The following ETNPPL variants were observed in gnomAD, a reference collection of about 807,000 sequenced individuals.
ETNPPL encodes ethanolamine-phosphate phospho-lyase.
A neutral mutation model predicts 55.5 loss-of-function variants in ETNPPL; 30 were observed. The observed-to-expected ratio is 0.54, with a 90% CI of 0.40 to 0.73. The LOEUF (loss-of-function observed/expected upper bound fraction) is 0.73, where lower values mean the gene tolerates loss of function less well. Among genes scored for constraint, ETNPPL ranks in the 30% least tolerant of loss-of-function variants. ETNPPL has a pLI of 0.00. For missense variants in ETNPPL, 528 were observed against 607.9 expected, an observed-to-expected ratio of 0.87 and a Z score of 1.38; for synonymous variants, 202 against 207.2, an observed-to-expected ratio of 0.98 and a Z score of 0.21.
chr4:108,752,974 T>C lies in ETNPPL; in HGVS notation c.539A>G (p.Glu180Gly), dbSNP rs375012393. 4.3e-6 allele frequency: 7 copies of C among 1,612,006 alleles called. No individual in the cohort carries two copies. The Admixed American group carries it at 5.0e-5, about 12-fold the overall frequency. Residue 180 changes from glutamate (E) to glycine (G), a missense_variant, in exon 6 of 13, where the codon GAA becomes GGA. Coordinates refer to ENST00000296486, the MANE Select transcript of ETNPPL (RefSeq NM_031279.4). ...TPDTYRGKYR[E>G]DHADSASAYA... Reference sequence around the variant, plus strand: ...AGCACTGGCTGAGTCTGCATGGTCTTCTCTATATTTTCCTCTGTAAGTATC... The same window carrying C: ...AGCACTGGCTGAGTCTGCATGGTCTCCTCTATATTTTCCTCTGTAAGTATC...
chr4:108,759,895 G>C lies in ETNPPL; in HGVS notation c.189C>G (p.His63Gln). The stretch of plus-strand genomic sequence containing the variant: ...TCAGGGCAGCTTTGACCACTCCTGG[G>C]TGACAGTGTCCCACTAAAATTTATG... ...INNVAHVGHC[H>Q]PGVVKAALKQ... The change falls in exon 3 of 13, where the codon CAC (histidine) becomes CAG (glutamine). Residue 63 changes from histidine (H) to glutamine (Q), a missense_variant. Physicochemically the swap from His to Gln is conservative, Grantham distance 24. Coordinates refer to ENST00000296486, the MANE Select transcript of ETNPPL (RefSeq NM_031279.4). The C allele has an allele frequency of 1.2e-6, 2 of 1,613,864 alleles. No homozygotes were observed. The highest frequency in any genetic ancestry group is 1.7e-6 in the Non-Finnish European group (2 of 1,179,952).
chr4:108,761,346 T>C, intron 1 of ETNPPL, among the ~76,000 whole-genome samples: 1 of 152,244 alleles, frequency 6.6e-6, no homozygotes, highest in Non-Finnish European at 1.5e-5. Context: ...AAACAGTAGG[T>C]AACCTCAAAT....
intron 7 of ETNPPL, 111 bp downstream of exon 7, chr4:108,750,825 C>A: frequency 1.2e-6 from 1 of 801,914 alleles, no homozygotes; most frequent in Non-Finnish European, 2.1e-6. Context: ...TCAGGTGTGG[C>A]TATTTACCAG....
chr4:108,746,348 G>C lies in ETNPPL; in HGVS notation c.1303+51C>G, dbSNP rs199940640. The stretch of plus-strand genomic sequence containing the variant: ...TTATGACTAGACCAGGGTTTGAGGG[G>C]TGGGTTTGGGAGAGGGAACAAGAAG... On this transcript the variant is annotated intron_variant, in intron 11 of 12. Transcript: ENST00000296486. 2.7e-5 allele frequency: 42 copies of C among 1,558,098 alleles called. 1 individual carries two copies. The highest frequency in any genetic ancestry group is 5.7e-5 in the Admixed American group (3 of 52,458).
At chr4:108,758,138 C>T (rs537519100) in intron 3 of ETNPPL, among the ~76,000 whole-genome samples, 2 of 151,376 alleles carry the variant, frequency 1.3e-5, no homozygotes, top group African/African-American at 4.8e-5. Flanking sequence ...ACTACAGGCA[C>T]ACACCACCAC....
At chr4:108,747,444 GT>G (rs1475714612) in intron 9 of ETNPPL, among the ~76,000 whole-genome samples, 2 of 126,524 alleles carry the variant, frequency 1.6e-5, no homozygotes, top group African/African-American at 2.9e-5. Context: ...ATACCCAAAT[GT>G]TTTTTTATTG....
chr4:108,743,981 G>C (rs62315042), intron 11 of ETNPPL, 125 bp from the exon 12 acceptor site: 1 of 667,630 alleles, frequency 1.5e-6, no homozygotes, highest in East Asian at 2.7e-5. Flanking sequence ...TAAAAGAATG[G>C]GCTGGGCGCT....
Position 108,748,069 on chromosome 4 carries a change from C to A in ETNPPL, c.1018G>T (p.Gly340Trp), listed in dbSNP as rs1427810402. 3 of 1,611,674 alleles carry A rather than the reference C, an allele frequency of 1.9e-6. No homozygotes were observed. In the South Asian group the frequency reaches 3.3e-5, roughly 18 times the overall value. Residue 340 changes from glycine to tryptophan, a missense_variant, in exon 9 of 13, where the codon GGG becomes TGG. Physicochemically the swap from Gly to Trp is radical, Grantham distance 184. Transcript: ENST00000296486. The stretch of plus-strand genomic sequence containing the variant: ...TTCAGTAACTCAGTGAGATAATTCC[C>A]TACTCTCTTGGCATTTCCTTGAAGG... ...EDLQGNAKRV[G>W]NYLTELLKKQ...
chr4:108,754,901 C>G lies in ETNPPL; in HGVS notation c.411-191G>C, dbSNP rs193078514. 4.2e-4 allele frequency: 210 copies of G among 497,972 alleles called. No homozygotes were observed. In the East Asian group the frequency reaches 6.6e-3, roughly 16 times the overall value. The allele number at this position is 497,972 out of a possible 1,614,324, so 30.8% of individuals were successfully genotyped here. On this transcript the variant is annotated intron_variant, in intron 4 of 12. Coordinates refer to ENST00000296486, the MANE Select transcript of ETNPPL (RefSeq NM_031279.4). ...CTGGCCCTTAATGTGTACAATTCTTCTTTTACATGTAATAAAACTCATAGA... is the reference window on the plus strand; with the variant it reads ...CTGGCCCTTAATGTGTACAATTCTTGTTTTACATGTAATAAAACTCATAGA...
chr4:108,750,527 T>C (rs1332394770), intron 7 of ETNPPL, among the ~76,000 whole-genome samples: 1 of 147,602 alleles, frequency 6.8e-6, no homozygotes, highest in Non-Finnish European at 1.5e-5. Flanking sequence ...TGTGTGTGTA[T>C]GATATGTGAT....
Position 108,749,269 on chromosome 4 carries a change from A to C in ETNPPL, c.896T>G (p.Phe299Cys), listed in dbSNP as rs1269076895. 1.2e-6 allele frequency: 2 copies of C among 1,613,932 alleles called. No homozygotes were observed. Among genetic ancestry groups the C allele is most frequent in the Non-Finnish European group, 1.7e-6 (2 of 1,179,922 alleles). The change falls in exon 8 of 13, where the codon TTC becomes TGC. Residue 299 changes from phenylalanine (F) to cysteine (C), a missense_variant. Phe to Cys is a radical substitution (Grantham distance 205, BLOSUM62 -2). Coordinates refer to ENST00000296486, the MANE Select transcript of ETNPPL (RefSeq NM_031279.4). Reference sequence around the variant, plus strand: ...AAAATATTCCATCCCAGAGCTGCTGAAGGCTTCTGCAATTTCTTTGGTTGT... The same window carrying C: ...AAAATATTCCATCCCAGAGCTGCTGCAGGCTTCTGCAATTTCTTTGGTTGT... The part of the protein sequence containing the change: ...VVTTKEIAEA[F>C]SSSGMEYFNT...
chr4:108,753,559 T>C (rs1290085738), intron 5 of ETNPPL, among the ~76,000 whole-genome samples: 1 of 151,984 alleles, frequency 6.6e-6, no homozygotes. Flanking sequence ...CTGGCCTACA[T>C]GATGAAACCC....
chr4:108,746,127 G>T (rs1728480902), intron 11 of ETNPPL, among the ~76,000 whole-genome samples: 1 of 152,060 alleles, frequency 6.6e-6, no homozygotes, highest in Admixed American at 6.6e-5. Context: ...CTAGTCTAAA[G>T]TAAAAATAAA....
chr4:108,742,458 G>T lies in ETNPPL; in HGVS notation c.*26C>A, dbSNP rs17527308. The T allele has an allele frequency of 1.9e-6, 3 of 1,612,152 alleles. No homozygotes were observed. Among genetic ancestry groups the T allele is most frequent in the Non-Finnish European group, 8.5e-7 (1 of 1,178,566 alleles). On this transcript the variant is annotated 3_prime_UTR_variant, in exon 13 of 13. Transcript: ENST00000296486. ...CTCATTCTCTGTAACTCTGGACATC[G>T]CATCTTGCTTTAAAATGCAAATCAG...
At chr4:108,743,022 A>T (rs1728293574) in intron 12 of ETNPPL, among the ~76,000 whole-genome samples, 1 of 152,234 alleles carries the variant, frequency 6.6e-6, no homozygotes, top group Admixed American at 6.5e-5. Flanking sequence ...TTGTTAGACG[A>T]AACAGAAGCC....
At chr4:108,754,190 C>T (rs1025188282) in intron 5 of ETNPPL, among the ~76,000 whole-genome samples, 1 of 151,968 alleles carries the variant, frequency 6.6e-6, no homozygotes, top group Non-Finnish European at 1.5e-5. Flanking sequence ...GTTGTCCAGG[C>T]TGGTCTTGAA....
In ETNPPL at chr4:108,754,775, T is replaced by C. The variant is rs1167082956; in HGVS notation, c.411-65A>G. 7.3e-6 allele frequency: 7 copies of C among 963,506 alleles called. No individual in the cohort carries two copies. In the African/African-American group the frequency reaches 1.1e-4, roughly 16 times the overall value. 59.7% of individuals were successfully genotyped at this position (963,506 alleles called of 1,614,324 possible). On this transcript the variant is annotated intron_variant, in intron 4 of 12. Transcript: ENST00000296486. ...TCCAAGAGAGATATTTTCAAGTATA[T>C]GAAAACCAGTGTTGCATTTCATCCA...
chr4:108,744,995 C>T (rs1168409316), intron 11 of ETNPPL, among the ~76,000 whole-genome samples: 4 of 152,080 alleles, frequency 2.6e-5, no homozygotes, highest in Non-Finnish European at 5.9e-5. Context: ...TTACCTTGGC[C>T]TCTGGGATCT....
Position 108,746,855 on chromosome 4 carries a change from C to A in ETNPPL, c.1083-4G>T, listed in dbSNP as rs1316402165. ...TCCAATAAAAAGGCCAATGCCCCTG[C>A]GAGAGGTGAAGAAAAACTTGACCCA... is the stretch of plus-strand genomic sequence containing the variant. On this transcript the variant is annotated splice_region_variant and splice_polypyrimidine_tract_variant and intron_variant, in intron 9 of 12. Transcript: ENST00000296486. 1.9e-6 allele frequency: 3 copies of A among 1,610,242 alleles called. No homozygotes were observed. Among genetic ancestry groups the A allele is most frequent in the Admixed American group, 3.3e-5 (2 of 59,888 alleles).
Sources: allele counts gnomAD v4.1 joint callset (sites outside exome capture counted in the v4.1 genomes callset), GRCh38; gene constraint gnomAD v4.1.1; transcripts MANE v1.5; gene names NCBI Gene and HGNC (gene_info 2026-07-23, HGNC 2026-07-21).